The following CSMD3 variants were observed in gnomAD, a reference collection of about 807,000 sequenced individuals.
CSMD3 encodes the protein CUB and sushi domain-containing protein 3.
Under a neutral mutation model 435.2 loss-of-function variants are expected in CSMD3, and 177 were observed. The observed-to-expected ratio is 0.41, with a 90% CI of 0.36 to 0.46. The LOEUF is 0.46. Among genes scored for constraint, CSMD3 ranks in the 20% least tolerant of loss-of-function variants. The probability of loss-of-function intolerance (pLI) is 0.34; values close to 1 mark genes in which losing one functional copy is unlikely to be tolerated. For synonymous variants in CSMD3, 1,656 were observed against 1,520.5 expected (o/e 1.09, Z -2.07); for missense variants, 4,265 against 4,504.6 (o/e 0.95, Z 1.52).
intron 3 of CSMD3, among the ~76,000 whole-genome samples, chr8:113,270,481 A>G (rs779381601): frequency 7.2e-5 from 11 of 152,154 alleles, no homozygotes; most frequent in Non-Finnish European, 1.5e-4. Context: ...CTGGGTATAT[A>G]CCCAAAGGAT....
intron 22 of CSMD3, among the ~76,000 whole-genome samples, chr8:112,606,661 T>C (rs149754550): frequency 0.014 from 2,111 of 152,222 alleles, 135 homozygotes; most frequent in Admixed American, 0.11. Context: ...TCCGAACAAA[T>C]TCAAGAAGAC....
intron 4 of CSMD3, among the ~76,000 whole-genome samples, chr8:113,122,780 CT>C (rs2091020975): frequency 6.6e-6 from 1 of 152,056 alleles, no homozygotes; most frequent in Non-Finnish European, 1.5e-5. Flanking sequence ...GGCCTATGAC[CT>C]ACAAAATTGT....
chr8:113,206,871 C>G (rs1563545919), intron 3 of CSMD3, among the ~76,000 whole-genome samples: 1 of 152,124 alleles, frequency 6.6e-6, no homozygotes, highest in East Asian at 1.9e-4. Flanking sequence ...TAGTACAATT[C>G]TTGTACAAAT....
chr8:113,125,079 G>A (rs1370528325), intron 4 of CSMD3, among the ~76,000 whole-genome samples: 1 of 151,864 alleles, frequency 6.6e-6, no homozygotes, highest in African/African-American at 2.4e-5. Flanking sequence ...CTTAAGTTTT[G>A]AGTCTTTGTT....
chr8:112,623,940 A>G (rs939879172), intron 22 of CSMD3, among the ~76,000 whole-genome samples: 22 of 152,104 alleles, frequency 1.4e-4, no homozygotes, highest in Admixed American at 1.2e-3. Flanking sequence ...GGCTGAGTTT[A>G]GAGTATCCCA....
intron 32 of CSMD3, among the ~76,000 whole-genome samples, chr8:112,468,292 T>A (rs1818171389): frequency 6.6e-6 from 1 of 151,264 alleles, no homozygotes; most frequent in Non-Finnish European, 1.5e-5. Flanking sequence ...AGCTTTGTCT[T>A]CTCTACTGTG....
chr8:112,406,725 C>A lies in CSMD3; in HGVS notation c.5608G>T (p.Val1870Phe). ...AKGFHFVYQA[V>F]PRTSSTQCSS... ...CATTGTGTAGAACTTGTTCTAGGAA[C>A]AGCTGTGTAGAAATATTATATTTAT... Residue 1870 changes from valine (V) to phenylalanine (F), a missense_variant and splice_region_variant, in exon 35 of 71, where the codon GTT (valine) becomes TTT (phenylalanine). Around this residue, in one of 3 missense-constraint regions of CSMD3, gnomAD observed 3,255 missense variants for 3,380.2 expected, o/e 0.96. Coordinates refer to ENST00000297405, the MANE Select transcript of CSMD3 (RefSeq NM_198123.2). The A allele has an allele frequency of 1.3e-6, 2 of 1,576,560 alleles. No individual in the cohort carries two copies.
At chr8:112,569,742 C>T (rs1012760357) in intron 24 of CSMD3, among the ~76,000 whole-genome samples, 5 of 152,114 alleles carry the variant, frequency 3.3e-5, no homozygotes, top group East Asian at 1.9e-4. Flanking sequence ...CATCAAGATA[C>T]GTGGGATTAA....
At position 112,587,212 on chromosome 8, in the gene CSMD3, T is replaced by A. The variant is rs1325871798; in HGVS notation, c.3739A>T (p.Asn1247Tyr). ...GGAGACAGCAAAATTCCTTCATTAT[T>A]CGTTGCAGATGCACCACATTCAGCT... ...CVAECGASAT[N>Y]NEGILLSPNY... The change falls in exon 23 of 71, where the codon AAT becomes TAT. Residue 1247 changes from asparagine (N) to tyrosine (Y), a missense_variant. Physicochemically the swap from Asn to Tyr is moderately radical, Grantham distance 143. Coordinates refer to ENST00000297405, the MANE Select transcript of CSMD3 (RefSeq NM_198123.2). The A allele has an allele frequency of 6.2e-7, 1 of 1,609,988 alleles. No individual in the cohort carries two copies. Among genetic ancestry groups the A allele is most frequent in the Non-Finnish European group, 8.5e-7 (1 of 1,177,054 alleles).
At chr8:112,316,169 A>G (rs1440357721) in intron 47 of CSMD3, among the ~76,000 whole-genome samples, 2 of 151,832 alleles carry the variant, frequency 1.3e-5, no homozygotes, top group Non-Finnish European at 3.0e-5. Flanking sequence ...AACTGACTAT[A>G]TAATAGAGTT....
chr8:113,264,031 T>A lies in CSMD3; in HGVS notation c.514+14561A>T, dbSNP rs531581428. On this transcript the variant is annotated intron_variant, in intron 3 of 70. Coordinates refer to ENST00000297405, the MANE Select transcript of CSMD3 (RefSeq NM_198123.2). ...TTATTTTTTCTGATACTTAAAATGA[T>A]ATAGTAAAAAGAATAATTATCTTAA... 1.3e-4 allele frequency among the ~76,000 whole-genome samples: 19 copies of A among 151,544 alleles called. No homozygotes were observed. In the East Asian group the frequency reaches 3.5e-3, roughly 28 times the overall value.
chr8:112,706,570 G>A (rs2076503404), intron 13 of CSMD3, among the ~76,000 whole-genome samples: 2 of 152,030 alleles, frequency 1.3e-5, no homozygotes, highest in South Asian at 4.1e-4. Context: ...GGGAATGATA[G>A]TGTGAACAAA....
At chr8:113,389,637 A>G (rs1374210693) in intron 1 of CSMD3, among the ~76,000 whole-genome samples, 1 of 151,750 alleles carries the variant, frequency 6.6e-6, no homozygotes, top group African/African-American at 2.4e-5. Context: ...AAGGACACAC[A>G]TGTTTTCAAA....
At chr8:113,012,227 T>C (rs1181046084) in intron 6 of CSMD3, among the ~76,000 whole-genome samples, 1 of 151,728 alleles carries the variant, frequency 6.6e-6, no homozygotes, top group Admixed American at 6.6e-5. Flanking sequence ...TTTGAGATAA[T>C]AATTTAAATA....
chr8:112,802,456 G>C (rs986063776), intron 12 of CSMD3, among the ~76,000 whole-genome samples: 21 of 151,808 alleles, frequency 1.4e-4, no homozygotes, highest in African/African-American at 4.8e-4. Flanking sequence ...TTTTTGTTTT[G>C]ATGAAGGCAA....
At chr8:112,366,702 A>G (rs1311813749) in intron 38 of CSMD3, among the ~76,000 whole-genome samples, 4 of 152,104 alleles carry the variant, frequency 2.6e-5, no homozygotes, top group Non-Finnish European at 4.4e-5. Flanking sequence ...CCAGCCAGGC[A>G]TTCACCTTAT....
intron 23 of CSMD3, 28 bp from the exon 24 acceptor site, chr8:112,573,685 T>A: frequency 6.7e-7 from 1 of 1,485,462 alleles, no homozygotes; most frequent in Non-Finnish European, 9.4e-7. Context: ...AATTAAAATG[T>A]AAATGTGCCA....
intron 22 of CSMD3, among the ~76,000 whole-genome samples, chr8:112,604,169 C>G (rs1442706504): frequency 6.6e-6 from 1 of 152,064 alleles, no homozygotes; most frequent in African/African-American, 2.4e-5. Flanking sequence ...GAGATTTTTA[C>G]TGCATTACTC....
intron 2 of CSMD3, among the ~76,000 whole-genome samples, chr8:113,301,869 T>C (rs1168889209): frequency 6.6e-6 from 1 of 152,068 alleles, no homozygotes; most frequent in Non-Finnish European, 1.5e-5. Flanking sequence ...ATCCTTCAGA[T>C]GTATGTCACG....
Sources: allele counts gnomAD v4.1 joint callset (sites outside exome capture counted in the v4.1 genomes callset), GRCh38; gene constraint gnomAD v4.1.1; regional missense constraint gnomAD v4.1.1; transcripts MANE v1.5; gene names NCBI Gene and HGNC (gene_info 2026-07-23, HGNC 2026-07-21).